TRDN: variants seen among roughly 807,000 people sequenced by gnomAD.
TRDN encodes the protein triadin, also known as triadin in skeletal muscle.
A neutral mutation model predicts 149.7 loss-of-function variants in TRDN; 161 were observed. The ratio of observed to expected loss-of-function variants is 1.08; its 90% CI spans 0.95 to 1.23. The LOEUF is 1.23. TRDN is among the 50% of genes most tolerant of loss of function. The pLI is 0.00. For missense variants in TRDN, 896 were observed against 823.5 expected, an observed-to-expected ratio of 1.09 and a Z score of -1.08; for synonymous variants, 294 against 250.5, an observed-to-expected ratio of 1.17 and a Z score of -1.64.
intron 21 of TRDN, chr6:123,350,532 T>C (rs1780422893): frequency 1.5e-6 from 1 of 673,256 alleles, no homozygotes; most frequent in African/African-American, 2.0e-5. Flanking sequence ...GAAAGCAAAG[T>C]ATACAAGTCT....
intron 34 of TRDN, 115 bp downstream of exon 34, chr6:123,260,497 A>G: frequency 9.5e-6 from 11 of 1,158,960 alleles, no homozygotes; most frequent in East Asian, 5.8e-5. Context: ...GTAGAACAGA[A>G]TATCTGGAAT....
intron 1 of TRDN, among the ~76,000 whole-genome samples, chr6:123,582,462 C>T (rs544116499): frequency 1.1e-3 from 147 of 135,280 alleles, no homozygotes; most frequent in African/African-American, 3.8e-3. Context: ...GGGGTGGGGC[C>T]GTTTTATAGG....
At chr6:123,571,455 CCATCTAGTGAGGT>C (rs1312556230) in intron 1 of TRDN, among the ~76,000 whole-genome samples, 1 of 143,530 alleles carries the variant, frequency 7.0e-6, no homozygotes, top group African/African-American at 2.6e-5. Flanking sequence ...TATAATTGAC[CCATCTAGTGAGGT>C]CATCTAATGA....
chr6:123,338,637 A>T (rs902821494), intron 21 of TRDN, among the ~76,000 whole-genome samples: 1 of 152,202 alleles, frequency 6.6e-6, no homozygotes, highest in Admixed American at 6.5e-5. Flanking sequence ...CCAGCCAGAC[A>T]TCTGACTGCA....
chr6:123,320,666 A>G (rs1210836965), intron 23 of TRDN, among the ~76,000 whole-genome samples: 1 of 152,158 alleles, frequency 6.6e-6, no homozygotes, highest in African/African-American at 2.4e-5. Flanking sequence ...TACTGATAGA[A>G]TTAAAAGCTT....
intron 5 of TRDN, among the ~76,000 whole-genome samples, chr6:123,520,645 G>A (rs974011655): frequency 1.8e-4 from 28 of 152,136 alleles, no homozygotes; most frequent in Admixed American, 1.3e-4. Flanking sequence ...ATACTTACGC[G>A]TTAAATCACA....
chr6:123,312,369 CATGAAGACGTAG>C (rs1227033645), intron 24 of TRDN, among the ~76,000 whole-genome samples: 1 of 151,900 alleles, frequency 6.6e-6, no homozygotes, highest in African/African-American at 2.4e-5. Context: ...GCCTACTCAA[CATGAAGACGTAG>C]ATGAAGACCT....
At chr6:123,457,100 C>G (rs1357319956) in intron 10 of TRDN, among the ~76,000 whole-genome samples, 2 of 152,214 alleles carry the variant, frequency 1.3e-5, no homozygotes, top group African/African-American at 4.8e-5. Flanking sequence ...AATTCACAAA[C>G]TGTGTCATCC....
chr6:123,387,869 A>T (rs1365193239), intron 14 of TRDN, among the ~76,000 whole-genome samples: 1 of 152,020 alleles, frequency 6.6e-6, no homozygotes, highest in Non-Finnish European at 1.5e-5. Context: ...GGGGAAAAAG[A>T]AAAAAATGGG....
chr6:123,400,182 T>TATATATATAC (rs1772903954), intron 12 of TRDN, among the ~76,000 whole-genome samples: 1 of 147,008 alleles, frequency 6.8e-6, no homozygotes, highest in African/African-American at 2.5e-5. Context: ...TATATATATA[T>TATATATATAC]ATATATAAAC....
chr6:123,250,689 C>T (rs977187495), intron 38 of TRDN, among the ~76,000 whole-genome samples: 3 of 151,776 alleles, frequency 2.0e-5, no homozygotes, highest in Non-Finnish European at 4.4e-5. Flanking sequence ...ATTTTTCTTT[C>T]TGATATATTT....
At chr6:123,405,877 A>G (rs1242354979) in intron 12 of TRDN, among the ~76,000 whole-genome samples, 2 of 152,294 alleles carry the variant, frequency 1.3e-5, no homozygotes, top group African/African-American at 4.8e-5. Context: ...TAGATTACTT[A>G]CACTAAGAAA....
chr6:123,483,066 TTTATTA>T (rs71021451), intron 9 of TRDN, among the ~76,000 whole-genome samples: 30,233 of 133,084 alleles, frequency 0.23, 3,574 homozygotes, highest in Middle Eastern at 0.28. Context: ...TGATTTCTCA[TTTATTA>T]TTATTATTAT....
chr6:123,471,438 C>T (rs1300072308), intron 9 of TRDN: 1 of 152,142 alleles, frequency 6.6e-6, no homozygotes, highest in African/African-American at 2.4e-5. Flanking sequence ...CCCAATAATA[C>T]ATCTTATTGT....
chr6:123,377,649 T>C, intron 18 of TRDN, 67 bp downstream of exon 18: 1 of 1,586,404 alleles, frequency 6.3e-7, no homozygotes, highest in Admixed American at 1.7e-5. Context: ...ACCACCTGTT[T>C]GAGGCTACAG....
intron 1 of TRDN, among the ~76,000 whole-genome samples, chr6:123,581,180 A>G (rs1400352882): frequency 1.3e-5 from 2 of 152,126 alleles, no homozygotes; most frequent in African/African-American, 2.4e-5. Flanking sequence ...ATCTGTATTT[A>G]TTTTTTTAAA....
chr6:123,422,492 C>G (rs969323368), intron 12 of TRDN, among the ~76,000 whole-genome samples: 1 of 152,012 alleles, frequency 6.6e-6, no homozygotes, highest in African/African-American at 2.4e-5. Context: ...GAGAGAGAGC[C>G]ATGATAATAC....
rs1357362900 is a variant in TRDN, at chr6:123,283,998, ATATATG to A, written c.1511-4922_1511-4917del. Among the ~76,000 whole-genome samples the A allele has an allele frequency of 4.3e-5, 5 of 116,964 alleles. 1 individual carries two copies. Among genetic ancestry groups the A allele is most frequent in the Admixed American group, 3.5e-4 (4 of 11,480 alleles). The allele number at this position is 116,964 out of a possible 152,430, so 76.7% of individuals were successfully genotyped here. On this transcript the variant is annotated intron_variant, in intron 24 of 40. Transcript: ENST00000334268. Reference sequence around the variant, plus strand: ...ACCAACATGGCACATATATATATATATATATGTAACAAACCTGCACATTGTGCACAT... The same window carrying A: ...ACCAACATGGCACATATATATATATATAACAAACCTGCACATTGTGCACAT...
intron 23 of TRDN, among the ~76,000 whole-genome samples, chr6:123,326,484 A>T (rs1443568919): frequency 6.6e-6 from 1 of 152,024 alleles, no homozygotes; most frequent in Non-Finnish European, 1.5e-5. Flanking sequence ...TCTACTTTTT[A>T]AAATATTATC....
Sources: gnomAD v4.1 joint callset for allele counts (sites outside exome capture counted in the v4.1 genomes callset) on GRCh38, gnomAD v4.1.1 for gene constraint, MANE v1.5 for transcripts, NCBI Gene and HGNC (gene_info 2026-07-23, HGNC 2026-07-21) for gene names.